Variants in NLGN1 observed in about 807,000 individuals in gnomAD.
The protein encoded by NLGN1 is neuroligin-1.
In NLGN1, 12 loss-of-function variants were observed where a neutral mutation model predicts 65.5. The observed-to-expected ratio is 0.18, with a 90% CI of 0.12 to 0.30. The LOEUF (loss-of-function observed/expected upper bound fraction) is 0.30, where lower values mean the gene tolerates loss of function less well. NLGN1 is among the 10% of genes least tolerant of loss of function. The pLI, the probability that NLGN1 is intolerant of heterozygous loss-of-function variation, is 1.00. For missense variants in NLGN1, 750 were observed against 1,007.1 expected (o/e 0.74, Z 3.46); for synonymous variants, 350 against 359.5 (o/e 0.97, Z 0.30).
intron 4 of NLGN1, among the ~76,000 whole-genome samples, chr3:173,814,736 A>T (rs74787802): frequency 0.03 from 4,557 of 152,258 alleles, 180 homozygotes; most frequent in East Asian, 0.17. Flanking sequence ...TATTAAGTAT[A>T]TTGTGAAAAA....
chr3:174,050,029 A>G (rs1414583467), intron 4 of NLGN1, among the ~76,000 whole-genome samples: 1 of 152,134 alleles, frequency 6.6e-6, no homozygotes, highest in African/African-American at 2.4e-5. Flanking sequence ...ATAAAGTAAT[A>G]AGAAAAAAGT....
intron 2 of NLGN1, among the ~76,000 whole-genome samples, chr3:173,471,165 G>A (rs987579689): frequency 1.3e-5 from 2 of 152,056 alleles, no homozygotes; most frequent in Non-Finnish European, 2.9e-5. Context: ...CTGTTGCCTC[G>A]GGTCAGCATT....
intron 4 of NLGN1, among the ~76,000 whole-genome samples, chr3:174,227,549 C>A (rs1739945259): frequency 1.3e-5 from 2 of 151,958 alleles, no homozygotes; most frequent in African/African-American, 4.8e-5. Context: ...CAAATTATTT[C>A]ATAATTTACC....
rs530163810 is a variant in NLGN1, at chr3:174,235,373, GC to G, written c.647-39940del. On this transcript the variant is annotated intron_variant, in intron 4 of 6. Coordinates refer to ENST00000457714, the Ensembl canonical transcript of NLGN1. ...AGAGAGTAATAATTAATTTCAGCAA[GC>G]CTGGTGTGAGGAAAAAGGAACAACA... Among the ~76,000 whole-genome samples the G allele has an allele frequency of 2.9e-3, 434 of 152,120 alleles. 2 individuals are homozygous for G. The highest frequency in any genetic ancestry group is 3.8e-3 in the Non-Finnish European group (260 of 67,976).
At chr3:173,764,128 A>G (rs1321725061) in intron 3 of NLGN1, among the ~76,000 whole-genome samples, 3 of 152,200 alleles carry the variant, frequency 2.0e-5, no homozygotes, top group Non-Finnish European at 4.4e-5. Context: ...CAAACAAACA[A>G]CAAAAGCTCT....
At chr3:174,175,519 G>C (rs1322409021) in intron 4 of NLGN1, among the ~76,000 whole-genome samples, 1 of 151,594 alleles carries the variant, frequency 6.6e-6, no homozygotes, top group Non-Finnish European at 1.5e-5. Flanking sequence ...CAGTCTATAT[G>C]TGTCTCTATT....
Position 174,201,155 on chromosome 3 carries a change from A to G in NLGN1, c.647-74160A>G, listed in dbSNP as rs1265393324. On this transcript the variant is annotated intron_variant, in intron 4 of 6. Coordinates refer to ENST00000457714, the Ensembl canonical transcript of NLGN1. ...TGGGAGGCTGAGGTGGGAGGAGAGC[A>G]TGAACCCAGGAGGGGAGGCTGAGGC... 2.6e-5 allele frequency among the ~76,000 whole-genome samples: 4 copies of G among 151,990 alleles called. No individual in the cohort carries two copies. The East Asian group carries it at 7.8e-4, about 29-fold the overall frequency.
chr3:173,818,221 AG>A (rs1719438918), intron 4 of NLGN1, among the ~76,000 whole-genome samples: 1 of 152,208 alleles, frequency 6.6e-6, no homozygotes, highest in Admixed American at 6.5e-5. Flanking sequence ...AGAGTGAGTG[AG>A]AAAAAATGAC....
At chr3:173,438,947 G>T (rs1718645352) in intron 2 of NLGN1, among the ~76,000 whole-genome samples, 1 of 152,148 alleles carries the variant, frequency 6.6e-6, no homozygotes. Context: ...AAATATTTCA[G>T]TATTTTCCAA....
intron 4 of NLGN1, among the ~76,000 whole-genome samples, chr3:174,009,842 A>G (rs1237096031): frequency 6.6e-6 from 1 of 152,126 alleles, no homozygotes; most frequent in Non-Finnish European, 1.5e-5. Flanking sequence ...TCAGCTGGGC[A>G]AAAAGGGTAA....
At chr3:173,756,415 A>G (rs2150183550) in intron 3 of NLGN1, among the ~76,000 whole-genome samples, 1 of 152,140 alleles carries the variant, frequency 6.6e-6, no homozygotes, top group East Asian at 1.9e-4. Flanking sequence ...AGTGTAAGAG[A>G]AAGAATATGG....
chr3:173,448,392 T>G (rs1720796489), intron 2 of NLGN1, among the ~76,000 whole-genome samples: 1 of 152,256 alleles, frequency 6.6e-6, no homozygotes. Context: ...TGAACCAGCC[T>G]TGCATCCGAG....
intron 4 of NLGN1, among the ~76,000 whole-genome samples, chr3:174,170,358 T>C (rs1003023799): frequency 1.4e-4 from 21 of 152,172 alleles, no homozygotes; most frequent in African/African-American, 4.8e-4. Context: ...GCTGCTTTGC[T>C]TTTGTGTCTC....
intron 3 of NLGN1, among the ~76,000 whole-genome samples, chr3:173,765,509 T>C (rs1187121030): frequency 2.0e-5 from 3 of 152,144 alleles, no homozygotes; most frequent in African/African-American, 7.2e-5. Context: ...GTTTTGAAAT[T>C]TCAATTTTTC....
At chr3:174,107,017 C>CAGAGAGAG (rs71162376) in intron 4 of NLGN1, among the ~76,000 whole-genome samples, 1,756 of 97,622 alleles carry the variant, frequency 0.018, 31 homozygotes, top group South Asian at 0.038. Flanking sequence ...CACACACACA[C>CAGAGAGAG]AGAGAGAGAG....
chr3:173,817,715 A>C (rs1719311652), intron 4 of NLGN1, among the ~76,000 whole-genome samples: 1 of 152,200 alleles, frequency 6.6e-6, no homozygotes, highest in Non-Finnish European at 1.5e-5. Flanking sequence ...GTAATCTATA[A>C]TATAGTAATC....
At chr3:173,694,284 C>T (rs1765880880) in intron 3 of NLGN1, among the ~76,000 whole-genome samples, 1 of 152,022 alleles carries the variant, frequency 6.6e-6, no homozygotes, top group African/African-American at 2.4e-5. Context: ...CAAGATATGA[C>T]AAGATGAGCA....
chr3:173,464,085 C>A (rs995802787), intron 2 of NLGN1, among the ~76,000 whole-genome samples: 17 of 152,054 alleles, frequency 1.1e-4, no homozygotes, highest in African/African-American at 4.1e-4. Flanking sequence ...CTGCTTTAAG[C>A]ATTAAGGTAT....
intron 4 of NLGN1, among the ~76,000 whole-genome samples, chr3:173,881,617 G>A (rs577141579): frequency 8.6e-5 from 13 of 151,152 alleles, no homozygotes; most frequent in East Asian, 2.0e-4. Context: ...TAGTAGAGAC[G>A]GGGTTTCACT....
Sources: allele counts gnomAD v4.1 joint callset (sites outside exome capture counted in the v4.1 genomes callset), GRCh38; gene constraint gnomAD v4.1.1; transcripts MANE v1.5; gene names NCBI Gene and HGNC (gene_info 2026-07-23, HGNC 2026-07-21).